Variants in LY9 observed in about 807,000 individuals in gnomAD.
LY9 encodes the protein lymphocyte antigen 9.
A neutral mutation model predicts 64.6 loss-of-function variants in LY9; 59 were observed. That is an observed-to-expected ratio of 0.91 (90% CI 0.74 to 1.13). LY9 has a LOEUF of 1.13. Among genes scored for constraint, LY9 ranks in the 50% most tolerant of loss-of-function variants. LY9 has a pLI of 0.00. For synonymous variants in LY9, 281 were observed against 308.5 expected, an observed-to-expected ratio of 0.91 and a Z score of 0.93; for missense variants, 789 against 797.2, an observed-to-expected ratio of 0.99 and a Z score of 0.12.
At position 160,818,259 on chromosome 1, in the gene LY9, A is replaced by G. The variant is rs779050659; in HGVS notation, c.1384A>G (p.Met462Val). 2 of 1,614,004 alleles carry G rather than the reference A, an allele frequency of 1.2e-6. No homozygotes were observed. Among genetic ancestry groups the G allele is most frequent in the South Asian group, 1.1e-5 (1 of 91,074 alleles). ...NTKLWIGLFL[M>V]VCLLCVGIFS... ...AAAGCTTTGGATTGGGTTGTTCCTG[A>G]TGGTTTGCCTTCTGTGCGTTGGGAT... Residue 462 changes from methionine to valine, a missense_variant, in exon 6 of 10, where the codon ATG becomes GTG. By Grantham distance (21) the Met-to-Val change is conservative. Coordinates refer to ENST00000263285, the MANE Select transcript of LY9 (RefSeq NM_002348.4).
chr1:160,801,745 G>C, intron 2 of LY9: 7 of 1,422,778 alleles, frequency 4.9e-6, no homozygotes, highest in Non-Finnish European at 6.9e-6. Context: ...TGAGAAATAG[G>C]GGTTCAACTT....
intron 7 of LY9, among the ~76,000 whole-genome samples, chr1:160,823,196 C>T (rs116412775): frequency 1.8e-4 from 27 of 152,318 alleles, no homozygotes; most frequent in Non-Finnish European, 3.5e-4. Context: ...TGATGCTTGG[C>T]ATGGTTTATC....
intron 7 of LY9, 98 bp downstream of exon 7, chr1:160,819,472 G>C (rs964689384): frequency 9.4e-7 from 1 of 1,063,130 alleles, no homozygotes; most frequent in Non-Finnish European, 1.4e-6. Context: ...AGCAGTGTGG[G>C]CATCACCCAG....
chr1:160,814,917 T>C (rs570686625), intron 4 of LY9, 156 bp downstream of exon 4: 31 of 638,994 alleles, frequency 4.9e-5, no homozygotes, highest in Admixed American at 3.2e-4. Flanking sequence ...AGTTGATTCA[T>C]AGGAGGCAAA....
chr1:160,817,137 A>T (rs1370653244), intron 5 of LY9, among the ~76,000 whole-genome samples: 5 of 152,262 alleles, frequency 3.3e-5, no homozygotes, highest in African/African-American at 2.4e-5. Context: ...TTCAATACAA[A>T]AAAATTCATT....
rs201748495 is a variant in LY9, at chr1:160,818,271, C to G, written c.1396C>G (p.Leu466Val). ...WIGLFLMVCL[L>V]CVGIFSWCIW... is the part of the protein sequence containing the mutation. The stretch of plus-strand genomic sequence containing the variant: ...TGGGTTGTTCCTGATGGTTTGCCTT[C>G]TGTGCGTTGGGATCTTCAGCTGGTG... Residue 466 changes from leucine (L) to valine (V), a missense_variant, in exon 6 of 10, where the codon CTG (leucine) becomes GTG (valine). Leu to Val is a conservative substitution (Grantham distance 32). Coordinates refer to ENST00000263285, the MANE Select transcript of LY9 (RefSeq NM_002348.4). 1.2e-5 allele frequency: 20 copies of G among 1,614,138 alleles called. No individual in the cohort carries two copies. In the African/African-American group the frequency reaches 1.9e-4, roughly 15 times the overall value.
intron 2 of LY9, among the ~76,000 whole-genome samples, chr1:160,800,419 A>T (rs1666345102): frequency 1.3e-5 from 2 of 152,136 alleles, no homozygotes; most frequent in Non-Finnish European, 2.9e-5. Flanking sequence ...CAAAATTTTT[A>T]GTACCAACAT....
intron 5 of LY9, among the ~76,000 whole-genome samples, chr1:160,817,903 G>A (rs190544951): frequency 1.6e-4 from 25 of 152,200 alleles, no homozygotes; most frequent in Admixed American, 5.9e-4. Context: ...CATTTACAGC[G>A]GGGCAGTGTA....
intron 2 of LY9, chr1:160,801,968 C>T (rs761639140): frequency 6.3e-5 from 100 of 1,599,596 alleles, no homozygotes; most frequent in Non-Finnish European, 4.3e-5. Context: ...CCCACCTCAC[C>T]GCCGCGCAGC....
chr1:160,814,366 G>A (rs1328694433), intron 3 of LY9, 54 bp from the exon 4 acceptor site: 2 of 1,385,764 alleles, frequency 1.4e-6, no homozygotes, highest in Non-Finnish European at 2.0e-6. Flanking sequence ...ATGCCTGGGG[G>A]CCAAGGGAGT....
intron 2 of LY9, chr1:160,813,401 G>A (rs1667672692): frequency 3.6e-6 from 2 of 558,748 alleles, no homozygotes; most frequent in Non-Finnish European, 6.3e-6. Flanking sequence ...CGGGGAGAGA[G>A]AGAAGTAATC....
At chr1:160,814,939 C>T (rs1667827557) in intron 4 of LY9, 178 bp downstream of exon 4, 1 of 615,930 alleles carries the variant, frequency 1.6e-6, no homozygotes, top group Non-Finnish European at 2.8e-6. Context: ...TCATGACTAG[C>T]TGCTGGACAA....
rs199963398 is a variant in LY9 at position 160,814,704 on chromosome 1, G to A, written c.1015G>A (p.Val339Met). 1.1e-4 allele frequency: 177 copies of A among 1,614,028 alleles called. No homozygotes were observed. Among genetic ancestry groups the A allele is most frequent in the East Asian group, 7.8e-4 (35 of 44,898 alleles). ...GGACGCCGGCCCCTACCATGCCTAC[G>A]TGTGCTCAGAGGCCTCCAGCGTCAC... is the stretch of plus-strand genomic sequence containing the variant. The part of the protein sequence containing the change: ...IEDAGPYHAY[V>M]CSEASSVTSM... Residue 339 changes from valine (V) to methionine (M), a missense_variant, in exon 4 of 10, where the codon GTG becomes ATG. Physicochemically the swap from Val to Met is conservative, Grantham distance 21. Coordinates refer to ENST00000263285, the MANE Select transcript of LY9 (RefSeq NM_002348.4).
At chr1:160,803,287 A>C (rs2101751591) in intron 2 of LY9, among the ~76,000 whole-genome samples, 1 of 127,776 alleles carries the variant, frequency 7.8e-6, no homozygotes, top group Admixed American at 7.5e-5. Context: ...TGTCTAAAAA[A>C]AAATTTTTTT....
At chr1:160,824,368 T>G in intron 9 of LY9, 119 bp downstream of exon 9, 1 of 1,511,330 alleles carries the variant, frequency 6.6e-7, no homozygotes. Context: ...CTACCCACTA[T>G]GCACCCCTCA....
At position 160,826,879 on chromosome 1, in the gene LY9, T is replaced by C. The variant is rs75696166; in HGVS notation, c.1900-869T>C. On this transcript the variant is annotated intron_variant, in intron 9 of 9. Transcript: ENST00000263285. ...CTGCTTTCTACTCTGGCCTGGCCCTTTGTGTTTGGGTCAATACCGGTCAAA... is the reference window on the plus strand; with the variant it reads ...CTGCTTTCTACTCTGGCCTGGCCCTCTGTGTTTGGGTCAATACCGGTCAAA... Among the ~76,000 whole-genome samples the C allele has an allele frequency of 4.9e-3, 741 of 152,302 alleles. 23 individuals carry two copies. The East Asian group carries it at 0.054, about 11-fold the overall frequency.
At chr1:160,801,318 T>C (rs1666452828) in intron 2 of LY9, among the ~76,000 whole-genome samples, 1 of 152,234 alleles carries the variant, frequency 6.6e-6, no homozygotes, top group South Asian at 2.1e-4. Flanking sequence ...ATTGGTGATA[T>C]TGAGCATTTT....
chr1:160,802,538 T>C, intron 2 of LY9: 1 of 985,638 alleles, frequency 1.0e-6, no homozygotes, highest in Non-Finnish European at 1.2e-6. Context: ...TGTCAGTGTT[T>C]GTTTTTCCAA....
intron 5 of LY9, 130 bp downstream of exon 5, chr1:160,816,993 C>A: frequency 1.2e-6 from 1 of 800,232 alleles, no homozygotes; most frequent in Non-Finnish European, 2.0e-6. Flanking sequence ...CATGCTTCCA[C>A]AGATATATGA....
Sources: gnomAD v4.1 joint callset for allele counts (sites outside exome capture counted in the v4.1 genomes callset) on GRCh38, gnomAD v4.1.1 for gene constraint, MANE v1.5 for transcripts, NCBI Gene and HGNC (gene_info 2026-07-23, HGNC 2026-07-21) for gene names.